AGBL4: variants seen among roughly 807,000 people sequenced by gnomAD.
AGBL4 encodes the protein cytosolic carboxypeptidase 6.
In AGBL4, 58 loss-of-function variants were observed where a neutral mutation model predicts 66.4. The ratio of observed to expected loss-of-function variants is 0.87; its 90% CI spans 0.71 to 1.09. The LOEUF is 1.09. Among genes scored for constraint, AGBL4 ranks in the 50% least tolerant of loss-of-function variants. AGBL4 has a pLI of 0.00. For synonymous variants in AGBL4, 234 were observed against 222.9 expected (o/e 1.05, Z -0.44); for missense variants, 579 against 631.0 (o/e 0.92, Z 0.88).
intron 5 of AGBL4, among the ~76,000 whole-genome samples, chr1:48,904,960 C>A (rs1448465113): frequency 6.6e-6 from 1 of 152,122 alleles, no homozygotes; most frequent in African/African-American, 2.4e-5. Flanking sequence ...TGACACTCTC[C>A]AATAATAAAT....
chr1:49,869,272 C>A (rs1459163556), intron 1 of AGBL4, among the ~76,000 whole-genome samples: 1 of 152,144 alleles, frequency 6.6e-6, no homozygotes, highest in African/African-American at 2.4e-5. Context: ...ATAACTTATT[C>A]TATTATAAAG....
At chr1:49,542,160 C>T (rs1652093641) in intron 3 of AGBL4, among the ~76,000 whole-genome samples, 1 of 152,184 alleles carries the variant, frequency 6.6e-6, no homozygotes, top group Non-Finnish European at 1.5e-5. Context: ...CCAATTAGCT[C>T]TCTGTAAAAT....
chr1:48,552,802 A>G (rs369427375), intron 11 of AGBL4, among the ~76,000 whole-genome samples: 5 of 152,014 alleles, frequency 3.3e-5, no homozygotes, highest in African/African-American at 1.2e-4. Flanking sequence ...TGGCTTCCCT[A>G]CTTAGAAAAA....
chr1:49,386,454 T>C (rs1431292329), intron 3 of AGBL4, among the ~76,000 whole-genome samples: 3 of 151,946 alleles, frequency 2.0e-5, no homozygotes, highest in East Asian at 1.9e-4. Flanking sequence ...TAAAGCAAAA[T>C]ATAATCTCAC....
the AGBL4 span, among the ~76,000 whole-genome samples, chr1:48,526,018 C>T: frequency 6.6e-6 from 1 of 152,128 alleles, no homozygotes; most frequent in Non-Finnish European, 1.5e-5. Flanking sequence ...CCAATCCTGC[C>T]TGTTAAGACA....
chr1:49,711,617 G>A (rs1279465093), intron 2 of AGBL4, among the ~76,000 whole-genome samples: 1 of 151,984 alleles, frequency 6.6e-6, no homozygotes, highest in Admixed American at 6.6e-5. Flanking sequence ...TGCAGGCGCT[G>A]GATATATTTG....
rs1557496919 is a variant in AGBL4 at position 48,954,242 on chromosome 1, C to CA, written c.595-87013dup. ...AACTTACCAAAACTGTTCCATATGTCAGGTTCCCTCATCCCAGATAAGACT... is the reference window on the plus strand; with the variant it reads ...AACTTACCAAAACTGTTCCATATGTCAAGGTTCCCTCATCCCAGATAAGACT... On this transcript the variant is annotated intron_variant, in intron 5 of 13. Transcript: ENST00000371839. 3.9e-5 allele frequency among the ~76,000 whole-genome samples: 6 copies of CA among 152,324 alleles called. No individual in the cohort carries two copies. The South Asian group carries it at 1.2e-3, about 32-fold the overall frequency.
chr1:49,834,501 C>T (rs865806869), intron 2 of AGBL4, among the ~76,000 whole-genome samples: 1 of 152,112 alleles, frequency 6.6e-6, no homozygotes, highest in African/African-American at 2.4e-5. Context: ...GGCTAGATGT[C>T]TACCTATTCT....
intron 2 of AGBL4, among the ~76,000 whole-genome samples, chr1:49,744,498 C>A (rs1650829131): frequency 6.6e-6 from 1 of 151,968 alleles, no homozygotes; most frequent in African/African-American, 2.4e-5. Context: ...AGCAATGCAA[C>A]AATAGACCAA....
At chr1:48,671,823 G>C (rs569224127) in intron 6 of AGBL4, among the ~76,000 whole-genome samples, 54 of 152,302 alleles carry the variant, frequency 3.5e-4, no homozygotes, top group South Asian at 1.7e-3. Context: ...GTAAATACTT[G>C]TGAAGTAGTA....
chr1:49,025,884 C>A (rs1251062900), intron 5 of AGBL4, among the ~76,000 whole-genome samples: 2 of 152,118 alleles, frequency 1.3e-5, no homozygotes, highest in South Asian at 2.1e-4. Context: ...TTAATAAAAT[C>A]TTGCTAAAAG....
At chr1:49,764,053 G>A (rs370544371) in intron 2 of AGBL4, among the ~76,000 whole-genome samples, 4 of 152,096 alleles carry the variant, frequency 2.6e-5, no homozygotes, top group African/African-American at 4.8e-5. Flanking sequence ...CATACTTCAC[G>A]CTGCGCAACC....
intron 4 of AGBL4, among the ~76,000 whole-genome samples, chr1:49,188,880 A>C (rs1647062381): frequency 6.6e-6 from 1 of 152,160 alleles, no homozygotes; most frequent in South Asian, 2.1e-4. Flanking sequence ...TTAATATCCA[A>C]AGAGTAAAAT....
intron 3 of AGBL4, among the ~76,000 whole-genome samples, chr1:49,550,089 T>C (rs967878789): frequency 1.8e-4 from 28 of 152,324 alleles, no homozygotes; most frequent in African/African-American, 6.7e-4. Flanking sequence ...TTGTTTGATA[T>C]AAGAATAGCT....
chr1:49,883,692 T>A (rs1490687021), intron 1 of AGBL4, among the ~76,000 whole-genome samples: 1 of 152,090 alleles, frequency 6.6e-6, no homozygotes, highest in Non-Finnish European at 1.5e-5. Flanking sequence ...ATAGTGGTCA[T>A]GTTGTATTCT....
chr1:49,523,357 C>T (rs1477935369), intron 3 of AGBL4, among the ~76,000 whole-genome samples: 1 of 151,870 alleles, frequency 6.6e-6, no homozygotes, highest in Admixed American at 6.6e-5. Flanking sequence ...TGGACAAGTC[C>T]CTGAAGTTCT....
chr1:49,197,479 T>A (rs1389943908), intron 4 of AGBL4, among the ~76,000 whole-genome samples: 1 of 151,990 alleles, frequency 6.6e-6, no homozygotes, highest in East Asian at 1.9e-4. Context: ...AGCAGTAGAG[T>A]TTATGCTAAA....
chr1:48,661,163 A>C (rs1023644146), intron 7 of AGBL4, among the ~76,000 whole-genome samples: 6 of 152,388 alleles, frequency 3.9e-5, no homozygotes, highest in African/African-American at 1.4e-4. Context: ...AATCAGGGCA[A>C]TAGAGATGAC....
chr1:48,678,479 A>G (rs1168664718), intron 6 of AGBL4, among the ~76,000 whole-genome samples: 1 of 152,188 alleles, frequency 6.6e-6, no homozygotes, highest in African/African-American at 2.4e-5. Flanking sequence ...TCTTTGCTCA[A>G]GGTCAGAGCC....
Sources: allele counts gnomAD v4.1 joint callset (sites outside exome capture counted in the v4.1 genomes callset), GRCh38; gene constraint gnomAD v4.1.1; transcripts MANE v1.5; gene names NCBI Gene and HGNC (gene_info 2026-07-23, HGNC 2026-07-21).